Variants in KITLG observed in about 807,000 individuals in gnomAD.
The protein encoded by KITLG is KIT ligand, also known as c-Kit ligand.
In KITLG, 13 loss-of-function variants were observed where a neutral mutation model predicts 34.1. The observed-to-expected ratio is 0.38, with a 90% CI of 0.25 to 0.61. KITLG has a LOEUF of 0.61. Ranked by LOEUF, KITLG falls within the 20% of genes least tolerant of loss-of-function variation. KITLG has a pLI of 0.60. For synonymous variants in KITLG, 110 were observed against 104.0 expected (o/e 1.06, Z -0.35); for missense variants, 292 against 318.9 (o/e 0.92, Z 0.64).
intron 1 of KITLG, among the ~76,000 whole-genome samples, chr12:88,549,747 C>T (rs769678301): frequency 6.6e-6 from 1 of 151,982 alleles, no homozygotes; most frequent in Non-Finnish European, 1.5e-5. Flanking sequence ...TGATAACCTT[C>T]CATATATAAG....
At chr12:88,563,227 G>A (rs1871348391) in intron 1 of KITLG, among the ~76,000 whole-genome samples, 1 of 152,224 alleles carries the variant, frequency 6.6e-6, no homozygotes, top group Non-Finnish European at 1.5e-5. Flanking sequence ...ACCCAGAAGT[G>A]ATGACATGGG....
intron 1 of KITLG, among the ~76,000 whole-genome samples, chr12:88,560,990 A>AAAAAAAAAAAAAAAAG (rs1871280837): frequency 6.7e-6 from 1 of 150,304 alleles, no homozygotes; most frequent in African/African-American, 2.4e-5. Context: ...AAAAAAAAAA[A>AAAAAAAAAAAAAAAAG]AAAGAAAGAA....
intron 4 of KITLG, among the ~76,000 whole-genome samples, chr12:88,518,092 T>G (rs1333263468): frequency 2.6e-5 from 4 of 152,152 alleles, no homozygotes; most frequent in African/African-American, 4.8e-5. Context: ...AGATGAATTC[T>G]GGCATTGCCC....
chr12:88,543,218 C>T (rs534752995), intron 2 of KITLG, among the ~76,000 whole-genome samples: 27 of 152,180 alleles, frequency 1.8e-4, no homozygotes, highest in Non-Finnish European at 2.5e-4. Flanking sequence ...CCCATCAGCT[C>T]GTCATTTACA....
chr12:88,548,549 C>T (rs967970726), intron 1 of KITLG, among the ~76,000 whole-genome samples: 1 of 151,996 alleles, frequency 6.6e-6, no homozygotes, highest in African/African-American at 2.4e-5. Context: ...ACTGAACACT[C>T]AAGATACGTG....
At chr12:88,506,148 G>C (rs944019742) in intron 8 of KITLG, among the ~76,000 whole-genome samples, 163 bp downstream of exon 8, 1 of 152,198 alleles carries the variant, frequency 6.6e-6, no homozygotes, top group Non-Finnish European at 1.5e-5. Context: ...ATGCAGCACT[G>C]AAGAGAGAGT....
intron 1 of KITLG, among the ~76,000 whole-genome samples, chr12:88,573,933 T>C (rs1201865034): frequency 2.0e-5 from 3 of 152,190 alleles, no homozygotes; most frequent in Non-Finnish European, 2.9e-5. Context: ...AAAGGCTACC[T>C]TATTGCCCCG....
chr12:88,539,573 C>T (rs914157915), intron 2 of KITLG, among the ~76,000 whole-genome samples: 18 of 152,010 alleles, frequency 1.2e-4, no homozygotes, highest in Non-Finnish European at 1.9e-4. Context: ...AGGTGTATTA[C>T]CTATAGTTTT....
chr12:88,504,290 C>A (rs929217017), intron 9 of KITLG, among the ~76,000 whole-genome samples: 38 of 152,136 alleles, frequency 2.5e-4, no homozygotes, highest in South Asian at 1.4e-3. Context: ...TGTTTCTAAA[C>A]TTTGGCATCT....
chr12:88,556,616 T>G (rs1871106780), intron 1 of KITLG, among the ~76,000 whole-genome samples: 1 of 152,024 alleles, frequency 6.6e-6, no homozygotes, highest in African/African-American at 2.4e-5. Flanking sequence ...AGGTTCCAGT[T>G]TGGGTGACTG....
intron 2 of KITLG, among the ~76,000 whole-genome samples, 161 bp from the exon 3 acceptor site, chr12:88,532,664 C>G (rs1349551875): frequency 6.6e-6 from 1 of 151,964 alleles, no homozygotes; most frequent in African/African-American, 2.4e-5. Flanking sequence ...CTTGATTTCC[C>G]TCTGTAATCA....
chr12:88,506,178 T>C, intron 8 of KITLG, 133 bp downstream of exon 8: 1 of 703,698 alleles, frequency 1.4e-6, no homozygotes, highest in East Asian at 2.5e-5. Context: ...GAAACATGGA[T>C]AGAGTTGGGA....
In KITLG at chr12:88,529,520, C is replaced by G. The variant is rs1870001901; in HGVS notation, c.192+2921G>C. 2.0e-5 allele frequency among the ~76,000 whole-genome samples: 3 copies of G among 152,140 alleles called. No individual in the cohort carries two copies. The South Asian group carries it at 6.2e-4, about 32-fold the overall frequency. ...GAAGGACCTTGGAAAAGTGAACTCC[C>G]TTTTCTAGGAGAATTTAGCTGTTTT... On this transcript the variant is annotated intron_variant, in intron 3 of 9. Transcript: ENST00000644744.
rs1011339587 is a variant in KITLG, at chr12:88,516,504, T to C, written c.364-14A>G. On this transcript the variant is annotated splice_polypyrimidine_tract_variant and intron_variant, in intron 4 of 9. Coordinates refer to ENST00000644744, the MANE Select transcript of KITLG (RefSeq NM_000899.5). ...TTTTTTTAGATCCTAGAAGAAAAAA[T>C]AGGATTACATTTTTCAAATAGTCTT... 9 of 1,572,576 alleles carry C rather than the reference T, an allele frequency of 5.7e-6. No individual in the cohort carries two copies. The highest frequency in any genetic ancestry group is 5.5e-5 in the African/African-American group (4 of 73,314).
At position 88,493,303 on chromosome 12, in the gene KITLG, A is replaced by G. The variant is rs1009002950; in HGVS notation, c.*3916T>C. 1 of 152,392 alleles carries G rather than the reference A, an allele frequency of 6.6e-6. No individual in the cohort carries two copies. Among genetic ancestry groups the G allele is most frequent in the Non-Finnish European group, 1.5e-5 (1 of 67,882 alleles). 9.4% of individuals were successfully genotyped at this position (152,392 alleles called of 1,614,324 possible). On this transcript the variant is annotated 3_prime_UTR_variant, in exon 10 of 10. Transcript: ENST00000644744. The stretch of plus-strand genomic sequence containing the variant: ...ATGTAGTTGGAGATGGCAGTTATAA[A>G]TAAATTTACAATGCTTAGTAAACAT...
chr12:88,556,742 C>T (rs2120940888), intron 1 of KITLG, among the ~76,000 whole-genome samples: 1 of 152,168 alleles, frequency 6.6e-6, no homozygotes, highest in South Asian at 2.1e-4. Flanking sequence ...AGATAGATAC[C>T]ATTCTATCAT....
chr12:88,576,231 C>T (rs1871819670), intron 1 of KITLG, among the ~76,000 whole-genome samples: 1 of 152,138 alleles, frequency 6.6e-6, no homozygotes, highest in Non-Finnish European at 1.5e-5. Flanking sequence ...AAACGTAGCA[C>T]CTCTTAAGCC....
At chr12:88,509,790 G>A (rs543283052) in intron 6 of KITLG, among the ~76,000 whole-genome samples, 3 of 152,178 alleles carry the variant, frequency 2.0e-5, no homozygotes, top group Non-Finnish European at 4.4e-5. Context: ...CCTCTTGCAG[G>A]CAGACAAAAA....
At chr12:88,523,986 C>T (rs1413217445) in intron 3 of KITLG, among the ~76,000 whole-genome samples, 1 of 152,146 alleles carries the variant, frequency 6.6e-6, no homozygotes, top group Non-Finnish European at 1.5e-5. Context: ...CTAGGCCCGC[C>T]CTAAAATAGA....
Sources: gnomAD v4.1 joint callset for allele counts (sites outside exome capture counted in the v4.1 genomes callset) on GRCh38, gnomAD v4.1.1 for gene constraint, MANE v1.5 for transcripts, NCBI Gene and HGNC (gene_info 2026-07-23, HGNC 2026-07-21) for gene names.